MTUS2: variants seen among roughly 807,000 people sequenced by gnomAD.
MTUS2 encodes the protein microtubule-associated tumor suppressor candidate 2.
In MTUS2, 40 loss-of-function variants were observed where a neutral mutation model predicts 114.1. That is an observed-to-expected ratio of 0.35 (90% CI 0.27 to 0.46). The LOEUF (loss-of-function observed/expected upper bound fraction) is 0.46, where lower values mean the gene tolerates loss of function less well. Among genes scored for constraint, MTUS2 ranks in the 20% least tolerant of loss-of-function variants. The pLI is 1.00. For synonymous variants in MTUS2, 688 were observed against 672.0 expected, an observed-to-expected ratio of 1.02 and a Z score of -0.37; for missense variants, 1,679 against 1,705.4, an observed-to-expected ratio of 0.98 and a Z score of 0.27.
intron 4 of MTUS2, among the ~76,000 whole-genome samples, chr13:29,069,737 G>A (rs773588685): frequency 5.3e-5 from 8 of 152,166 alleles, no homozygotes; most frequent in Non-Finnish European, 7.3e-5. Context: ...TAACTAATTC[G>A]AAGAGATTTA....
intron 2 of MTUS2, among the ~76,000 whole-genome samples, chr13:28,871,650 G>A (rs1356731893): frequency 6.6e-6 from 1 of 152,182 alleles, no homozygotes; most frequent in Non-Finnish European, 1.5e-5. Context: ...TATTTTAGTG[G>A]TAGGAGTCAA....
intron 2 of MTUS2, among the ~76,000 whole-genome samples, chr13:28,962,465 T>G (rs1183019300): frequency 6.6e-6 from 1 of 152,206 alleles, no homozygotes; most frequent in Non-Finnish European, 1.5e-5. Flanking sequence ...GCCTTCAACC[T>G]TTTGCAAGGT....
chr13:29,492,489 C>T (rs1882260030), intron 11 of MTUS2, among the ~76,000 whole-genome samples, 157 bp from the exon 12 acceptor site: 1 of 151,968 alleles, frequency 6.6e-6, no homozygotes, highest in African/African-American at 2.4e-5. Flanking sequence ...TCATGACATA[C>T]AATTTCAAAC....
intron 2 of MTUS2, among the ~76,000 whole-genome samples, chr13:28,956,707 G>A (rs973744719): frequency 6.6e-6 from 1 of 152,200 alleles, no homozygotes; most frequent in South Asian, 2.1e-4. Flanking sequence ...AGGGAGTGAG[G>A]GAGCAGTGGG....
intron 6 of MTUS2, among the ~76,000 whole-genome samples, chr13:29,292,175 C>G (rs1436264149): frequency 1.3e-5 from 2 of 152,108 alleles, no homozygotes; most frequent in African/African-American, 4.8e-5. Context: ...CTGTTTTAAC[C>G]CTTGTTGGAA....
chr13:29,401,307 A>G (rs750348947), intron 8 of MTUS2, among the ~76,000 whole-genome samples: 4 of 152,024 alleles, frequency 2.6e-5, no homozygotes, highest in African/African-American at 4.8e-5. Flanking sequence ...CCCGGCCACA[A>G]ATATTTTCTT....
chr13:28,962,341 A>G (rs994211009), intron 2 of MTUS2, among the ~76,000 whole-genome samples: 1 of 152,064 alleles, frequency 6.6e-6, no homozygotes. Context: ...TATTTCCCAT[A>G]TTATAAATTT....
intron 2 of MTUS2, among the ~76,000 whole-genome samples, chr13:28,911,331 A>G (rs1396630063): frequency 1.3e-5 from 2 of 151,118 alleles, no homozygotes; most frequent in African/African-American, 4.9e-5. Flanking sequence ...ACGTACCACC[A>G]TGCCCAGCTA....
chr13:29,425,428 C>CAA (rs113619969), intron 8 of MTUS2, among the ~76,000 whole-genome samples: 6 of 149,508 alleles, frequency 4.0e-5, no homozygotes, highest in African/African-American at 1.5e-4. Context: ...AACAAACATA[C>CAA]AAAAAAAAGA....
Position 28,837,417 on chromosome 13 carries a change from C to T in MTUS2, c.-315-2361C>T, listed in dbSNP as rs558307404. Among the ~76,000 whole-genome samples the T allele has an allele frequency of 3.8e-3, 578 of 152,216 alleles. 4 individuals carry two copies. Among genetic ancestry groups the T allele is most frequent in the Non-Finnish European group, 6.4e-3 (436 of 68,024 alleles). On this transcript the variant is annotated intron_variant, in intron 1 of 15. Transcript: ENST00000612955. ...CAGCTTCCGTGTACTGTTTCCTGGC[C>T]GGTGGTCTGTAGACCCTAGTCTGAT...
chr13:29,050,288 A>G (rs182591633), intron 4 of MTUS2, among the ~76,000 whole-genome samples: 1 of 152,320 alleles, frequency 6.6e-6, no homozygotes, highest in African/African-American at 2.4e-5. Context: ...AATGAAGTAC[A>G]GAGACTGGAA....
chr13:29,195,491 A>C (rs935836891), intron 5 of MTUS2, among the ~76,000 whole-genome samples: 6 of 150,790 alleles, frequency 4.0e-5, no homozygotes, highest in African/African-American at 1.5e-4. Context: ...TGTTAAAATA[A>C]TTCAAGCTTA....
chr13:29,010,227 G>A (rs1384527926), intron 2 of MTUS2, among the ~76,000 whole-genome samples: 1 of 134,408 alleles, frequency 7.4e-6, no homozygotes, highest in African/African-American at 2.7e-5. Context: ...AAAAAAAAAA[G>A]CTATAAAATG....
chr13:28,943,800 C>T (rs2138143627), intron 2 of MTUS2, among the ~76,000 whole-genome samples: 1 of 152,218 alleles, frequency 6.6e-6, no homozygotes, highest in Non-Finnish European at 1.5e-5. Flanking sequence ...GGCTGGAAGG[C>T]ACAGTGGGCC....
chr13:29,259,706 G>A (rs905251668), intron 5 of MTUS2, among the ~76,000 whole-genome samples: 2 of 152,180 alleles, frequency 1.3e-5, no homozygotes, highest in African/African-American at 2.4e-5. Flanking sequence ...CCATCAAAGC[G>A]TTACTAATAA....
intron 2 of MTUS2, among the ~76,000 whole-genome samples, chr13:28,906,504 C>T (rs183051532): frequency 3.3e-5 from 5 of 151,442 alleles, no homozygotes; most frequent in African/African-American, 7.3e-5. Flanking sequence ...GCCTTCATTT[C>T]GTTATGTACC....
At chr13:29,460,773 C>T (rs1879427132) in intron 9 of MTUS2, among the ~76,000 whole-genome samples, 1 of 152,074 alleles carries the variant, frequency 6.6e-6, no homozygotes, top group Non-Finnish European at 1.5e-5. Flanking sequence ...TCCTTCTTTA[C>T]AGTTACTCAA....
At chr13:28,855,157 C>T (rs1383067573) in intron 2 of MTUS2, among the ~76,000 whole-genome samples, 2 of 151,786 alleles carry the variant, frequency 1.3e-5, no homozygotes, top group East Asian at 3.9e-4. Flanking sequence ...ATTGATATGC[C>T]GATACGAATT....
At chr13:29,488,160 G>C (rs1259120440) in intron 11 of MTUS2, 155 bp downstream of exon 11, 1 of 628,444 alleles carries the variant, frequency 1.6e-6, no homozygotes, top group Non-Finnish European at 2.8e-6. Flanking sequence ...GGGAAAAGAA[G>C]AGATAGGAAT....
Sources: gnomAD v4.1 joint callset for allele counts (sites outside exome capture counted in the v4.1 genomes callset) on GRCh38, gnomAD v4.1.1 for gene constraint, MANE v1.5 for transcripts, NCBI Gene and HGNC (gene_info 2026-07-23, HGNC 2026-07-21) for gene names.